The following SFXN5 variants were observed in gnomAD, a reference collection of about 807,000 sequenced individuals.
SFXN5 encodes the protein sideroflexin 5, also known as sideroflexin-5.
A neutral mutation model predicts 50.2 loss-of-function variants in SFXN5; 43 were observed. The ratio of observed to expected loss-of-function variants is 0.86; its 90% CI spans 0.67 to 1.11. The LOEUF (loss-of-function observed/expected upper bound fraction) is 1.11. SFXN5 is among the 50% of genes least tolerant of loss of function. The pLI, the probability that SFXN5 is intolerant of heterozygous loss-of-function variation, is 0.00. For synonymous variants in SFXN5, 203 were observed against 185.8 expected (o/e 1.09, Z -0.75); for missense variants, 463 against 454.1 (o/e 1.02, Z -0.18).
At chr2:73,070,037 T>C (rs2106081842) in intron 1 of SFXN5, among the ~76,000 whole-genome samples, 1 of 152,250 alleles carries the variant, frequency 6.6e-6, no homozygotes, top group Middle Eastern at 3.4e-3. Context: ...CTGACTCAGG[T>C]GGCCAAAGAG....
intron 6 of SFXN5, among the ~76,000 whole-genome samples, chr2:73,009,465 G>C (rs1675209463): frequency 6.6e-6 from 1 of 152,228 alleles, no homozygotes; most frequent in Admixed American, 6.5e-5. Context: ...TTCCTCTGGA[G>C]ACTCAGCCTC....
chr2:72,964,448 G>A (rs1424759024), intron 12 of SFXN5, among the ~76,000 whole-genome samples: 1 of 152,252 alleles, frequency 6.6e-6, no homozygotes. Flanking sequence ...CAACAAACAA[G>A]GTGATGAAGG....
At chr2:73,000,011 T>A (rs1208564648) in intron 8 of SFXN5, among the ~76,000 whole-genome samples, 2 of 152,070 alleles carry the variant, frequency 1.3e-5, no homozygotes, top group Non-Finnish European at 2.9e-5. Flanking sequence ...TGGCCAGCAG[T>A]CGGGACCTGG....
In SFXN5 at chr2:73,058,338, C is replaced by T. The variant is rs1043177063; in HGVS notation, c.171+190G>A. 8.7e-5 allele frequency: 48 copies of T among 552,170 alleles called. 1 individual carries two copies. Among genetic ancestry groups the T allele is most frequent in the Admixed American group, 2.7e-4 (9 of 32,736 alleles). 34.2% of individuals were successfully genotyped at this position (552,170 alleles called of 1,614,324 possible). A position where few individuals can be genotyped will look rare whatever the true frequency, so the allele number is the denominator to read the frequency against. On this transcript the variant is annotated intron_variant, in intron 2 of 13. Transcript: ENST00000272433. The stretch of plus-strand genomic sequence containing the variant: ...AAGCATACAGCACAATGTATCAACT[C>T]AGATACAGACAGACACACAGATACA...
intron 1 of SFXN5, among the ~76,000 whole-genome samples, chr2:73,069,760 T>G (rs1683440839): frequency 6.6e-6 from 1 of 152,026 alleles, no homozygotes; most frequent in Non-Finnish European, 1.5e-5. Flanking sequence ...GATAAATGTC[T>G]GTTAGGTCAC....
chr2:72,956,577 T>A (rs1468061406), intron 13 of SFXN5, among the ~76,000 whole-genome samples: 1 of 152,176 alleles, frequency 6.6e-6, no homozygotes, highest in Non-Finnish European at 1.5e-5. Context: ...GCCTGCTCCA[T>A]CGTCAACAAC....
intron 1 of SFXN5, 35 bp from the exon 2 acceptor site, chr2:73,058,631 T>C (rs376024094): frequency 4.6e-5 from 73 of 1,595,934 alleles, no homozygotes; most frequent in East Asian, 3.8e-4. Flanking sequence ...AGTGAATGGA[T>C]CAGCTGCTGC....
At chr2:73,008,229 G>C (rs10496188) in intron 6 of SFXN5, among the ~76,000 whole-genome samples, 2 of 152,114 alleles carry the variant, frequency 1.3e-5, no homozygotes, top group African/African-American at 4.8e-5. Context: ...GACAGAAATC[G>C]GATTTAGACT....
chr2:73,007,658 G>A (rs1348571671), intron 6 of SFXN5, among the ~76,000 whole-genome samples: 1 of 152,102 alleles, frequency 6.6e-6, no homozygotes, highest in African/African-American at 2.4e-5. Context: ...CCCAGGTAGA[G>A]CAAGTGTCTT....
Position 72,968,447 on chromosome 2 carries a change from C to T in SFXN5, c.827+1G>A. On this transcript the variant is annotated splice_donor_variant, in intron 12 of 13. Coordinates refer to ENST00000272433, the MANE Select transcript of SFXN5 (RefSeq NM_144579.3). LOFTEE classifies it high-confidence loss of function. ...TCTCCATCCTGGCTGCCCCAACTCA[C>T]TTCTCCAGCATGGACATGACGATCG... The T allele has an allele frequency of 6.2e-7, 1 of 1,612,260 alleles. No homozygotes were observed. The highest frequency in any genetic ancestry group is 1.1e-5 in the South Asian group (1 of 90,928).
rs921048243 is a variant in SFXN5, at chr2:73,013,525, C to T, written c.357+6714G>A. Among the ~76,000 whole-genome samples the T allele has an allele frequency of 4.0e-5, 6 of 151,174 alleles. No homozygotes were observed. In the South Asian group the frequency reaches 6.3e-4, roughly 16 times the overall value. On this transcript the variant is annotated intron_variant, in intron 6 of 13. Transcript: ENST00000272433. ...ATTGCATTGAAATCTATAAGACAACCGCAAGAAATGCAAAGAAATGAAACA... is the reference window on the plus strand; with the variant it reads ...ATTGCATTGAAATCTATAAGACAACTGCAAGAAATGCAAAGAAATGAAACA...
chr2:72,959,633 A>C, intron 13 of SFXN5, among the ~76,000 whole-genome samples: 3 of 146,646 alleles, frequency 2.0e-5, no homozygotes, highest in East Asian at 2.0e-4. Flanking sequence ...CTCCCACCCC[A>C]CTCCTCTTCC....
intron 6 of SFXN5, among the ~76,000 whole-genome samples, chr2:73,005,388 T>C (rs147005384): frequency 6.6e-6 from 1 of 152,334 alleles, no homozygotes; most frequent in Non-Finnish European, 1.5e-5. Flanking sequence ...CAGGCTCTGG[T>C]TGTCAAATGC....
chr2:73,026,699 ACTT>A (rs774140179), intron 3 of SFXN5, among the ~76,000 whole-genome samples: 11 of 152,088 alleles, frequency 7.2e-5, no homozygotes, highest in Admixed American at 1.3e-4. Flanking sequence ...AGTATGCCAT[ACTT>A]CTTATTATTT....
intron 3 of SFXN5, among the ~76,000 whole-genome samples, chr2:73,030,376 T>C (rs1678151850): frequency 6.6e-6 from 1 of 152,122 alleles, no homozygotes; most frequent in Non-Finnish European, 1.5e-5. Context: ...TATACACATA[T>C]ATTTGTTGTT....
intron 13 of SFXN5, among the ~76,000 whole-genome samples, chr2:72,959,703 G>C (rs1325765421): frequency 6.6e-6 from 1 of 151,936 alleles, no homozygotes; most frequent in East Asian, 1.9e-4. Flanking sequence ...TCTGTGCTCT[G>C]GTCCCCCCTC....
At chr2:73,036,462 G>A (rs1000089286) in intron 3 of SFXN5, among the ~76,000 whole-genome samples, 2 of 152,168 alleles carry the variant, frequency 1.3e-5, no homozygotes, top group African/African-American at 4.8e-5. Flanking sequence ...TCACCAACAT[G>A]AGCCAGAATC....
At chr2:73,059,824 C>T (rs1313850420) in intron 1 of SFXN5, 1 of 965,912 alleles carries the variant, frequency 1.0e-6, no homozygotes, top group Admixed American at 6.5e-5. Flanking sequence ...AAAATTTCAC[C>T]TCTGAGAATG....
intron 2 of SFXN5, among the ~76,000 whole-genome samples, chr2:73,047,378 T>C (rs1436354829): frequency 6.8e-6 from 1 of 146,310 alleles, no homozygotes; most frequent in African/African-American, 2.5e-5. Context: ...TATATGTATA[T>C]ATACATGTAT....
Sources: gnomAD v4.1 joint callset for allele counts (sites outside exome capture counted in the v4.1 genomes callset) on GRCh38, gnomAD v4.1.1 for gene constraint, MANE v1.5 for transcripts, NCBI Gene and HGNC (gene_info 2026-07-23, HGNC 2026-07-21) for gene names.